ZNF148: variants seen among roughly 807,000 people sequenced by gnomAD.
The protein encoded by ZNF148 is zinc finger protein 148.
A neutral mutation model predicts 67.7 loss-of-function variants in ZNF148; 7 were observed. The ratio of observed to expected loss-of-function variants is 0.10; its 90% CI spans 0.06 to 0.19. The LOEUF is 0.19. ZNF148 is among the 10% of genes least tolerant of loss of function. The pLI is 1.00. For synonymous variants in ZNF148, 333 were observed against 330.7 expected (o/e 1.01, Z -0.08); for missense variants, 583 against 947.1 (o/e 0.62, Z 5.05).
At chr3:125,360,151 TACA>T (rs1559782625) in intron 1 of ZNF148, among the ~76,000 whole-genome samples, 2 of 152,218 alleles carry the variant, frequency 1.3e-5, no homozygotes, top group African/African-American at 2.4e-5. Context: ...CTCTTATGCC[TACA>T]ACTTCAACTT....
intron 2 of ZNF148, among the ~76,000 whole-genome samples, chr3:125,330,592 C>T (rs1579823252): frequency 1.3e-5 from 2 of 151,714 alleles, no homozygotes; most frequent in Admixed American, 1.3e-4. Flanking sequence ...CTTTGGGAGG[C>T]TGAGGCAAGA....
Position 125,237,999 on chromosome 3 carries a change from T to A in ZNF148, c.668-3670A>T, listed in dbSNP as rs893602746. Among the ~76,000 whole-genome samples, 7 of 152,276 alleles carry A rather than the reference T, an allele frequency of 4.6e-5. No homozygotes were observed. The South Asian group carries it at 1.5e-3, about 32-fold the overall frequency. ...GTAAATCCTTACATTTATGGTCAAC[T>A]GATTTTCTAAAAAGGTGCCAAGGTA... is the stretch of plus-strand genomic sequence containing the variant. On this transcript the variant is annotated intron_variant, in intron 7 of 8. Coordinates refer to ENST00000360647, the MANE Select transcript of ZNF148 (RefSeq NM_021964.3).
intron 2 of ZNF148, among the ~76,000 whole-genome samples, chr3:125,325,219 C>G (rs1940966699): frequency 6.6e-6 from 1 of 151,910 alleles, no homozygotes; most frequent in African/African-American, 2.4e-5. Context: ...AATACAGTAA[C>G]AGAAATAAAA....
At position 125,277,845 on chromosome 3, in the gene ZNF148, A is replaced by C. The variant is rs772319524; in HGVS notation, c.584-36T>G. 2.6e-6 allele frequency: 4 copies of C among 1,561,024 alleles called. No homozygotes were observed. The South Asian group carries it at 4.7e-5, about 18-fold the overall frequency. On this transcript the variant is annotated intron_variant, in intron 6 of 8. Coordinates refer to ENST00000360647, the MANE Select transcript of ZNF148 (RefSeq NM_021964.3). Reference sequence around the variant, plus strand: ...TTTCACATCCACAAATTAGTTACTGAATAAAACAACGGTTTTTAGTTACTG... The same window carrying C: ...TTTCACATCCACAAATTAGTTACTGCATAAAACAACGGTTTTTAGTTACTG...
chr3:125,261,762 G>C (rs1937350417), intron 7 of ZNF148, among the ~76,000 whole-genome samples: 1 of 143,522 alleles, frequency 7.0e-6, no homozygotes, highest in Non-Finnish European at 1.5e-5. Flanking sequence ...GTGTCACCAA[G>C]AAAACAGAGG....
At chr3:125,298,612 T>C (rs1036413570) in intron 4 of ZNF148, among the ~76,000 whole-genome samples, 1 of 148,240 alleles carries the variant, frequency 6.7e-6, no homozygotes, top group African/African-American at 2.5e-5. Flanking sequence ...TGTACATTTA[T>C]ATTAAATTTT....
intron 1 of ZNF148, among the ~76,000 whole-genome samples, chr3:125,364,953 A>G (rs1942656980): frequency 6.6e-6 from 1 of 152,168 alleles, no homozygotes; most frequent in South Asian, 2.1e-4. Context: ...AACTTTGCTC[A>G]CTGTCACTCA....
chr3:125,359,106 G>T (rs1332697823), intron 1 of ZNF148, among the ~76,000 whole-genome samples: 1 of 152,224 alleles, frequency 6.6e-6, no homozygotes, highest in Non-Finnish European at 1.5e-5. Context: ...ACTCTAGACT[G>T]AATCAGGCAG....
intron 5 of ZNF148, among the ~76,000 whole-genome samples, chr3:125,286,771 A>C (rs1006050864): frequency 6.6e-6 from 1 of 152,222 alleles, no homozygotes. Flanking sequence ...ATTCTATATT[A>C]TACCTCCATA....
At chr3:125,244,427 C>T (rs984111917) in intron 7 of ZNF148, among the ~76,000 whole-genome samples, 2 of 152,162 alleles carry the variant, frequency 1.3e-5, no homozygotes, top group African/African-American at 4.8e-5. Context: ...TGCAATGACC[C>T]ACCATATCAA....
intron 5 of ZNF148, among the ~76,000 whole-genome samples, chr3:125,281,766 A>G (rs1478529347): frequency 1.3e-5 from 2 of 152,208 alleles, no homozygotes; most frequent in Admixed American, 1.3e-4. Flanking sequence ...CACACAGGAA[A>G]ATCTAGCTTT....
intron 4 of ZNF148, among the ~76,000 whole-genome samples, chr3:125,302,467 C>A (rs754210095): frequency 6.6e-6 from 1 of 151,956 alleles, no homozygotes; most frequent in African/African-American, 2.4e-5. Flanking sequence ...TCAACAGGAA[C>A]CCATAAGTAA....
intron 5 of ZNF148, among the ~76,000 whole-genome samples, chr3:125,281,819 A>G (rs930125933): frequency 3.9e-5 from 6 of 152,204 alleles, no homozygotes; most frequent in Non-Finnish European, 5.9e-5. Context: ...TGGACATTTT[A>G]TATTTTCCTT....
At chr3:125,359,952 TGCA>T (rs1014754301) in intron 1 of ZNF148, among the ~76,000 whole-genome samples, 1 of 152,204 alleles carries the variant, frequency 6.6e-6, no homozygotes, top group African/African-American at 2.4e-5. Context: ...GGCCCGCCCA[TGCA>T]GCTGGCACAA....
chr3:125,291,621 C>T (rs1292699074), intron 4 of ZNF148, among the ~76,000 whole-genome samples: 1 of 152,158 alleles, frequency 6.6e-6, no homozygotes, highest in Non-Finnish European at 1.5e-5. Context: ...TTTATAGTCT[C>T]CCTGACACTA....
At chr3:125,284,039 A>G (rs1344253446) in intron 5 of ZNF148, among the ~76,000 whole-genome samples, 2 of 152,198 alleles carry the variant, frequency 1.3e-5, no homozygotes, top group Non-Finnish European at 1.5e-5. Context: ...AATAAATGAA[A>G]AGAGAGATAC....
chr3:125,277,917 C>A, intron 6 of ZNF148, 108 bp from the exon 7 acceptor site: 1 of 724,170 alleles, frequency 1.4e-6, no homozygotes, highest in Non-Finnish European at 2.1e-6. Context: ...TGGAAAATTA[C>A]AAAATAGCCA....
At chr3:125,257,722 A>T (rs1366582741) in intron 7 of ZNF148, among the ~76,000 whole-genome samples, 1 of 151,950 alleles carries the variant, frequency 6.6e-6, no homozygotes, top group Non-Finnish European at 1.5e-5. Flanking sequence ...ACCCTCAAAA[A>T]TTTTTATTTT....
intron 4 of ZNF148, among the ~76,000 whole-genome samples, chr3:125,299,502 A>T (rs1284359281): frequency 1.3e-5 from 2 of 152,170 alleles, no homozygotes; most frequent in East Asian, 3.8e-4. Context: ...CCATCTCTGT[A>T]AAAAATTTAA....
Sources: allele counts gnomAD v4.1 joint callset (sites outside exome capture counted in the v4.1 genomes callset), GRCh38; gene constraint gnomAD v4.1.1; transcripts MANE v1.5; gene names NCBI Gene and HGNC (gene_info 2026-07-23, HGNC 2026-07-21).